The following RBFOX1 variants were observed in gnomAD, a reference collection of about 807,000 sequenced individuals.
RBFOX1 encodes RNA binding fox-1 homolog 1.
A neutral mutation model predicts 57.7 loss-of-function variants in RBFOX1; 8 were observed. That is an observed-to-expected ratio of 0.14 (90% CI 0.08 to 0.25). The LOEUF (loss-of-function observed/expected upper bound fraction) is 0.25. Among genes scored for constraint, RBFOX1 ranks in the 10% least tolerant of loss-of-function variants. The probability of loss-of-function intolerance (pLI) is 1.00; values close to 1 mark genes in which losing one functional copy is unlikely to be tolerated. For synonymous variants in RBFOX1, 326 were observed against 222.4 expected (o/e 1.47, Z -4.15); for missense variants, 611 against 548.5 (o/e 1.11, Z -1.14).
chr16:6,723,450 G>T (rs571554667), intron 3 of RBFOX1, among the ~76,000 whole-genome samples: 1 of 152,130 alleles, frequency 6.6e-6, no homozygotes, highest in Non-Finnish European at 1.5e-5. Context: ...ACACACAAAA[G>T]GGCATAATGT....
At chr16:6,778,535 C>G (rs192334469) in intron 3 of RBFOX1, among the ~76,000 whole-genome samples, 2 of 152,076 alleles carry the variant, frequency 1.3e-5, no homozygotes, top group Non-Finnish European at 2.9e-5. Context: ...AATATCTGAT[C>G]GCTGTTCAGA....
At chr16:7,497,385 C>G (rs758500432) in intron 4 of RBFOX1, among the ~76,000 whole-genome samples, 34 of 152,148 alleles carry the variant, frequency 2.2e-4, no homozygotes, top group Admixed American at 7.2e-4. Flanking sequence ...CTCTCAACTG[C>G]TACATCCTTT....
chr16:7,510,992 G>C (rs1441064881), intron 4 of RBFOX1, among the ~76,000 whole-genome samples: 1 of 152,194 alleles, frequency 6.6e-6, no homozygotes, highest in African/African-American at 2.4e-5. Context: ...TCCAGATGCA[G>C]AAAGGGAGGG....
intron 1 of RBFOX1, among the ~76,000 whole-genome samples, chr16:6,156,482 C>T (rs556824426): frequency 6.6e-6 from 1 of 152,298 alleles, no homozygotes; most frequent in Admixed American, 6.5e-5. Flanking sequence ...GGGGCATGCC[C>T]TTGAGAAGGT....
chr16:5,722,786 C>T (rs989307144), intron 3 of RBFOX1, among the ~76,000 whole-genome samples: 6 of 152,320 alleles, frequency 3.9e-5, no homozygotes, highest in Middle Eastern at 3.4e-3. Flanking sequence ...CCATCAGTCT[C>T]GGCTTACCTC....
At chr16:7,022,341 C>T (rs2039557678) in intron 3 of RBFOX1, among the ~76,000 whole-genome samples, 1 of 151,770 alleles carries the variant, frequency 6.6e-6, no homozygotes, top group African/African-American at 2.4e-5. Context: ...GCATGAACCA[C>T]CACTGCACCT....
chr16:6,676,017 A>G (rs1259347114), intron 3 of RBFOX1, among the ~76,000 whole-genome samples: 1 of 152,084 alleles, frequency 6.6e-6, no homozygotes, highest in East Asian at 1.9e-4. Flanking sequence ...GGTTCTCAAA[A>G]GGAAAAGAGG....
chr16:6,993,525 G>C (rs2091828837), intron 3 of RBFOX1, among the ~76,000 whole-genome samples: 1 of 152,122 alleles, frequency 6.6e-6, no homozygotes, highest in Non-Finnish European at 1.5e-5. Flanking sequence ...CAGGAAACCT[G>C]GTTAAAGGTC....
chr16:5,662,138 T>A (rs761664725), intron 3 of RBFOX1, among the ~76,000 whole-genome samples: 2 of 152,174 alleles, frequency 1.3e-5, no homozygotes, highest in Non-Finnish European at 2.9e-5. Flanking sequence ...CAAACATCTT[T>A]CCATTTTCCC....
intron 4 of RBFOX1, among the ~76,000 whole-genome samples, chr16:7,357,564 T>G (rs569497525): frequency 6.6e-6 from 1 of 152,180 alleles, no homozygotes; most frequent in Non-Finnish European, 1.5e-5. Flanking sequence ...CCATCTTGTT[T>G]TGCTGCATAC....
chr16:6,717,407 A>G (rs1003676374), intron 3 of RBFOX1, among the ~76,000 whole-genome samples: 1 of 152,120 alleles, frequency 6.6e-6, no homozygotes, highest in African/African-American at 2.4e-5. Flanking sequence ...CTTTTCTACT[A>G]CAGCATAAGA....
At chr16:5,975,091 AAAC>A (rs1289116374) in intron 4 of RBFOX1, among the ~76,000 whole-genome samples, 2 of 152,242 alleles carry the variant, frequency 1.3e-5, no homozygotes, top group Admixed American at 6.5e-5. Context: ...TAATAAGTTG[AAAC>A]AACAACAACA....
intron 5 of RBFOX1, among the ~76,000 whole-genome samples, chr16:7,527,206 T>C (rs947625867): frequency 3.9e-5 from 6 of 152,218 alleles, no homozygotes; most frequent in Non-Finnish European, 5.9e-5. Context: ...ACATGGGTAC[T>C]GTCTCTTGTT....
chr16:5,709,809 T>TCA (rs1555506306), intron 3 of RBFOX1, among the ~76,000 whole-genome samples: 2 of 14,452 alleles, frequency 1.4e-4, no homozygotes, highest in Non-Finnish European at 2.7e-4. Context: ...ATCAGTTTCT[T>TCA]TATATATATA....
At chr16:5,398,353 G>A (rs985768048) in intron 1 of RBFOX1, among the ~76,000 whole-genome samples, 5 of 152,048 alleles carry the variant, frequency 3.3e-5, no homozygotes, top group Admixed American at 3.3e-4. Flanking sequence ...AGGTGTTTGA[G>A]CACCTGTTTT....
At chr16:7,082,840 GATTA>G (rs2059412013) in intron 4 of RBFOX1, among the ~76,000 whole-genome samples, 1 of 152,120 alleles carries the variant, frequency 6.6e-6, no homozygotes, top group Non-Finnish European at 1.5e-5. Context: ...CTTTGCAGTT[GATTA>G]ATTATTGTGT....
intron 4 of RBFOX1, among the ~76,000 whole-genome samples, chr16:7,513,939 A>G (rs1056315566): frequency 2.0e-5 from 3 of 152,202 alleles, no homozygotes; most frequent in African/African-American, 7.2e-5. Context: ...GCCAGTCTCC[A>G]AGTCTAGCTA....
At chr16:6,068,624 C>A (rs1459763505) in intron 1 of RBFOX1, among the ~76,000 whole-genome samples, 1 of 152,106 alleles carries the variant, frequency 6.6e-6, no homozygotes, top group Non-Finnish European at 1.5e-5. Flanking sequence ...GATAATCATC[C>A]CAGCACCTGG....
At chr16:7,194,211 C>G (rs1006973481) in intron 4 of RBFOX1, among the ~76,000 whole-genome samples, 7 of 152,116 alleles carry the variant, frequency 4.6e-5, no homozygotes, top group Non-Finnish European at 8.8e-5. Flanking sequence ...AAATGGAAGC[C>G]TCCGGCTCAG....
Sources: allele counts gnomAD v4.1 joint callset (sites outside exome capture counted in the v4.1 genomes callset), GRCh38; gene constraint gnomAD v4.1.1; transcripts MANE v1.5; gene names NCBI Gene and HGNC (gene_info 2026-07-23, HGNC 2026-07-21).